The following GRIA1 variants were observed in gnomAD, a reference collection of about 807,000 sequenced individuals.
The protein encoded by GRIA1 is glutamate ionotropic receptor AMPA type subunit 1, also known as glutamate receptor 1.
Under a neutral mutation model 99.2 loss-of-function variants are expected in GRIA1, and 31 were observed. The observed-to-expected ratio is 0.31, with a 90% CI of 0.23 to 0.42. The LOEUF (loss-of-function observed/expected upper bound fraction) is 0.42, where lower values mean the gene tolerates loss of function less well. Among genes scored for constraint, GRIA1 ranks in the 10% least tolerant of loss-of-function variants. GRIA1 has a pLI of 1.00. For synonymous variants in GRIA1, 438 were observed against 432.4 expected (o/e 1.01, Z -0.16); for missense variants, 782 against 1,157.5 (o/e 0.68, Z 4.71).
chr5:153,650,261 T>TGA (rs1354902901), intron 3 of GRIA1, 69 bp from the exon 4 acceptor site: 1 of 1,411,190 alleles, frequency 7.1e-7, no homozygotes, highest in African/African-American at 1.4e-5. Flanking sequence ...GGTAGGTGCC[T>TGA]GATGGGAGTG....
intron 13 of GRIA1, among the ~76,000 whole-genome samples, chr5:153,779,349 A>T (rs1764485892): frequency 6.6e-6 from 1 of 152,210 alleles, no homozygotes; most frequent in Admixed American, 6.5e-5. Context: ...GTGCTAATCA[A>T]GACTCGCATC....
intron 2 of GRIA1, among the ~76,000 whole-genome samples, chr5:153,586,154 A>T (rs1212001289): frequency 6.6e-6 from 1 of 152,186 alleles, no homozygotes; most frequent in Non-Finnish European, 1.5e-5. Flanking sequence ...GTTGTCTGAA[A>T]TTATCATATT....
chr5:153,575,698 C>T (rs889846564), intron 2 of GRIA1, among the ~76,000 whole-genome samples: 1 of 152,194 alleles, frequency 6.6e-6, no homozygotes, highest in Non-Finnish European at 1.5e-5. Flanking sequence ...AACCAAGTCT[C>T]CTGTGGCCTT....
chr5:153,691,262 A>G lies in GRIA1; in HGVS notation c.1134+4933A>G, dbSNP rs140212796. ...ACTGATTTAGGGTCTCTCTCTGAAT[A>G]AAATATCTTGTCAAAATCTGGTAGA... On this transcript the variant is annotated intron_variant, in intron 8 of 15. Coordinates refer to ENST00000285900, the MANE Select transcript of GRIA1 (RefSeq NM_000827.4). Among the ~76,000 whole-genome samples, 41 of 152,326 alleles carry G rather than the reference A, an allele frequency of 2.7e-4. 1 individual carries two copies. In the East Asian group the frequency reaches 7.3e-3, roughly 27 times the overall value.
intron 11 of GRIA1, among the ~76,000 whole-genome samples, chr5:153,715,357 G>A (rs1481587444): frequency 6.6e-6 from 1 of 151,700 alleles, no homozygotes; most frequent in East Asian, 1.9e-4. Context: ...ATTTGCAAAT[G>A]TTGCCTTCTC....
At chr5:153,727,544 G>A (rs1014599117) in intron 11 of GRIA1, among the ~76,000 whole-genome samples, 8 of 152,108 alleles carry the variant, frequency 5.3e-5, no homozygotes, top group Admixed American at 1.3e-4. Flanking sequence ...AAAGTCTCAG[G>A]ATACAAAATC....
At chr5:153,489,774 A>T, upstream of GRIA1, 1 of 456,662 alleles carries the variant, frequency 2.2e-6, no homozygotes, top group African/African-American at 2.0e-5. Flanking sequence ...ATCCAGAAAG[A>T]CCTGAAAGAA....
At chr5:153,744,612 T>C (rs893380737) in intron 11 of GRIA1, among the ~76,000 whole-genome samples, 3 of 152,244 alleles carry the variant, frequency 2.0e-5, no homozygotes, top group Non-Finnish European at 2.9e-5. Context: ...TGTACAGTTA[T>C]TAGGTTCTAG....
intron 5 of GRIA1, among the ~76,000 whole-genome samples, chr5:153,668,607 T>C (rs530115453): frequency 5.6e-4 from 85 of 152,274 alleles, no homozygotes; most frequent in African/African-American, 2.0e-3. Context: ...AAGAACTATA[T>C]GGTTTGCAAA....
intron 2 of GRIA1, among the ~76,000 whole-genome samples, chr5:153,521,066 T>C (rs1332845287): frequency 6.6e-6 from 1 of 152,044 alleles, no homozygotes; most frequent in African/African-American, 2.4e-5. Context: ...CAAAAACAAA[T>C]GAGGAAAACT....
At chr5:153,712,441 A>G (rs1285090311) in intron 11 of GRIA1, among the ~76,000 whole-genome samples, 2 of 152,214 alleles carry the variant, frequency 1.3e-5, no homozygotes, top group Non-Finnish European at 2.9e-5. Context: ...TGACCTTTGC[A>G]TTCACATACA....
chr5:153,668,523 A>C (rs1252665228), intron 5 of GRIA1, among the ~76,000 whole-genome samples: 1 of 152,240 alleles, frequency 6.6e-6, no homozygotes, highest in East Asian at 1.9e-4. Context: ...TATATGCTAA[A>C]TAGTAATAGT....
At chr5:153,810,250 A>T (rs184333283) in intron 15 of GRIA1, among the ~76,000 whole-genome samples, 1 of 152,326 alleles carries the variant, frequency 6.6e-6, no homozygotes, top group Admixed American at 6.5e-5. Flanking sequence ...CTGGAAGTAC[A>T]GGGTCTACAT....
chr5:153,633,468 A>G (rs1225949258), intron 2 of GRIA1, among the ~76,000 whole-genome samples: 1 of 152,150 alleles, frequency 6.6e-6, no homozygotes, highest in East Asian at 1.9e-4. Context: ...CGTTGGTGCA[A>G]AGGGAACTAA....
chr5:153,760,093 G>A (rs1763081289), intron 11 of GRIA1, among the ~76,000 whole-genome samples: 1 of 151,982 alleles, frequency 6.6e-6, no homozygotes, highest in Admixed American at 6.6e-5. Flanking sequence ...ACATCATATT[G>A]AATAGGGAAA....
At chr5:153,655,962 A>T (rs909977947) in intron 5 of GRIA1, 90 bp downstream of exon 5, 1 of 1,084,492 alleles carries the variant, frequency 9.2e-7, no homozygotes, top group Non-Finnish European at 1.4e-6. Context: ...ATGTGAACTG[A>T]GTAGGTGGAA....
intron 2 of GRIA1, among the ~76,000 whole-genome samples, chr5:153,627,519 A>G (rs775472619): frequency 1.3e-5 from 2 of 152,182 alleles, no homozygotes; most frequent in Non-Finnish European, 2.9e-5. Flanking sequence ...AATTTTTTTC[A>G]GAGGAATCAG....
intron 11 of GRIA1, among the ~76,000 whole-genome samples, chr5:153,738,471 G>A (rs1426170699): frequency 1.3e-5 from 2 of 152,114 alleles, no homozygotes; most frequent in Admixed American, 1.3e-4. Context: ...CATAGTGTGA[G>A]ATGAGGAATA....
At chr5:153,544,482 C>T (rs1759428617) in intron 2 of GRIA1, among the ~76,000 whole-genome samples, 1 of 152,158 alleles carries the variant, frequency 6.6e-6, no homozygotes, top group Non-Finnish European at 1.5e-5. Context: ...AAAAGTCCTG[C>T]TCCACCAGGG....
Sources: allele counts gnomAD v4.1 joint callset (sites outside exome capture counted in the v4.1 genomes callset), GRCh38; gene constraint gnomAD v4.1.1; transcripts MANE v1.5; gene names NCBI Gene and HGNC (gene_info 2026-07-23, HGNC 2026-07-21).